ELMOD3: variants seen among roughly 807,000 people sequenced by gnomAD.
ELMOD3 encodes the protein ELMO domain-containing protein 3.
ELMOD3 carries 36 observed loss-of-function variants against 47.4 expected under a neutral mutation model. That is an observed-to-expected ratio of 0.76 (90% CI 0.58 to 1.00). ELMOD3 has a LOEUF of 1.00. ELMOD3 is among the 50% of genes least tolerant of loss of function. The probability of loss-of-function intolerance (pLI) is 0.00; values close to 1 mark genes in which losing one functional copy is unlikely to be tolerated. For synonymous variants in ELMOD3, 149 were observed against 183.5 expected, an observed-to-expected ratio of 0.81 and a Z score of 1.52; for missense variants, 404 against 463.8, an observed-to-expected ratio of 0.87 and a Z score of 1.18.
chr2:85,386,380 G>A (rs375863099), intron 11 of ELMOD3, among the ~76,000 whole-genome samples: 1 of 121,958 alleles, frequency 8.2e-6, no homozygotes, highest in Admixed American at 1.0e-4. Context: ...TGATACGTAG[G>A]CTTTTTTTTT....
At chr2:85,365,637 G>A (rs1403579671) in intron 6 of ELMOD3, among the ~76,000 whole-genome samples, 1 of 152,170 alleles carries the variant, frequency 6.6e-6, no homozygotes, top group Non-Finnish European at 1.5e-5. Flanking sequence ...AAGCTCTTAC[G>A]TGGTTTGGGC....
chr2:85,368,446 G>C (rs1221463027), intron 6 of ELMOD3: 1 of 499,976 alleles, frequency 2.0e-6, no homozygotes, highest in East Asian at 3.5e-5. Flanking sequence ...GGATCACCAG[G>C]TGGCCTAAGG....
chr2:85,368,790 C>T (rs1250014823), intron 7 of ELMOD3, 36 bp downstream of exon 7: 4 of 1,610,840 alleles, frequency 2.5e-6, no homozygotes, highest in Non-Finnish European at 3.4e-6. Flanking sequence ...CCCATAGCCC[C>T]TCTGCCAGCA....
chr2:85,390,617 T>G (rs1686282709), intron 13 of ELMOD3, 143 bp from the exon 14 acceptor site: 14 of 1,512,190 alleles, frequency 9.3e-6, no homozygotes, highest in Non-Finnish European at 1.1e-5. Context: ...TCTCTGGTGA[T>G]CTCTCCATCT....
At chr2:85,364,825 A>ATATATTTTTTT (rs375582916) in intron 6 of ELMOD3, among the ~76,000 whole-genome samples, 5 of 69,894 alleles carry the variant, frequency 7.2e-5, no homozygotes, top group African/African-American at 3.3e-4. Flanking sequence ...ATATATATAT[A>ATATATTTTTTT]TTTTTTTTTT....
intron 13 of ELMOD3, 97 bp from the exon 14 acceptor site, chr2:85,390,663 T>G (rs1430690298): frequency 1.7e-5 from 25 of 1,499,266 alleles, no homozygotes; most frequent in Non-Finnish European, 2.0e-5. Context: ...GGATAGGGGT[T>G]GGGGGTACTC....
chr2:85,378,054 T>G (rs1400793474), intron 11 of ELMOD3, among the ~76,000 whole-genome samples: 2 of 152,232 alleles, frequency 1.3e-5, no homozygotes, highest in Non-Finnish European at 2.9e-5. Flanking sequence ...GGAAGAAGAA[T>G]AGGCTATGAC....
chr2:85,371,350 C>T, intron 9 of ELMOD3, 90 bp from the exon 10 acceptor site: 2 of 1,595,986 alleles, frequency 1.3e-6, no homozygotes, highest in Admixed American at 3.4e-5. Flanking sequence ...AACTGGATGT[C>T]TCACAGTCCA....
At chr2:85,386,419 C>T (rs1269753427) in intron 11 of ELMOD3, among the ~76,000 whole-genome samples, 2 of 122,174 alleles carry the variant, frequency 1.6e-5, no homozygotes, top group Admixed American at 2.2e-4. Flanking sequence ...TGGAGTCTCG[C>T]TCTGTTGCCA....
Position 85,357,878 on chromosome 2 carries a change from T to C in ELMOD3, c.54+626T>C, listed in dbSNP as rs148348439. Reference sequence around the variant, plus strand: ...CAGGTACACAGATGCCTGCAGGAAGTTGTTCAGCACAATGAATCACCAAAT... The same window carrying C: ...CAGGTACACAGATGCCTGCAGGAAGCTGTTCAGCACAATGAATCACCAAAT... On this transcript the variant is annotated intron_variant, in intron 4 of 13. Coordinates refer to ENST00000409013, the MANE Select transcript of ELMOD3 (RefSeq NM_001135022.2). Among the ~76,000 whole-genome samples the C allele has an allele frequency of 1.5e-3, 221 of 152,298 alleles. 2 individuals carry two copies. Among genetic ancestry groups the C allele is most frequent in the African/African-American group, 5.2e-3 (216 of 41,550 alleles).
intron 4 of ELMOD3, 123 bp from the exon 5 acceptor site, chr2:85,362,063 G>T: frequency 1.5e-6 from 1 of 654,816 alleles, no homozygotes. Context: ...GTTTCCCTAT[G>T]TAACAAACCT....
chr2:85,368,683 C>T lies in ELMOD3; in HGVS notation c.200-3C>T. The T allele has an allele frequency of 6.2e-7, 1 of 1,613,952 alleles. No individual in the cohort carries two copies. Among genetic ancestry groups the T allele is most frequent in the Non-Finnish European group, 8.5e-7 (1 of 1,179,936 alleles). ...AGGGTCTCCTTTTCTCCTACTATTG[C>T]AGTTGTGAGTACAGAGGTGGTCAGA... On this transcript the variant is annotated splice_polypyrimidine_tract_variant and splice_region_variant and intron_variant, in intron 6 of 13. Coordinates refer to ENST00000409013, the MANE Select transcript of ELMOD3 (RefSeq NM_001135022.2).
intron 11 of ELMOD3, chr2:85,387,177 G>GT (rs1466601764): frequency 7.9e-7 from 1 of 1,268,228 alleles, no homozygotes; most frequent in Non-Finnish European, 1.0e-6. Context: ...AGGTACAGAG[G>GT]TATACATGAA....
At chr2:85,362,336 T>C (rs1342374113) in intron 5 of ELMOD3, 76 bp downstream of exon 5, 1 of 940,784 alleles carries the variant, frequency 1.1e-6, no homozygotes, top group Non-Finnish European at 1.8e-6. Context: ...AGAACTGTGG[T>C]AGACGCTGGG....
Position 85,391,093 on chromosome 2 carries a change from C to A in ELMOD3, c.*131C>A. The A allele has an allele frequency of 1.0e-6, 1 of 953,680 alleles. No individual in the cohort carries two copies. Among genetic ancestry groups the A allele is most frequent in the Non-Finnish European group, 1.5e-6 (1 of 646,962 alleles). 59.1% of individuals were successfully genotyped at this position (953,680 alleles called of 1,614,324 possible). A position where few individuals can be genotyped will look rare whatever the true frequency, so the allele number is the denominator to read the frequency against. ...AGATGGGATATAGGAAGCTCCTGGG[C>A]TTAGCTGTGGGAAGCCAAGTACCCT... On this transcript the variant is annotated 3_prime_UTR_variant, in exon 14 of 14. Coordinates refer to ENST00000409013, the MANE Select transcript of ELMOD3 (RefSeq NM_001135022.2).
At position 85,381,604 on chromosome 2, in the gene ELMOD3, T is replaced by G. The variant is rs371163276; in HGVS notation, c.738+4130T>G. Among the ~76,000 whole-genome samples the G allele has an allele frequency of 3.3e-5, 5 of 152,348 alleles. No individual in the cohort carries two copies. In the East Asian group the frequency reaches 7.7e-4, roughly 23 times the overall value. On this transcript the variant is annotated intron_variant, in intron 11 of 13. Transcript: ENST00000409013. Reference sequence around the variant, plus strand: ...GGCTCATGTGCTGCTTTTGCATCAGTGTGCCTTTGACATTCATGATTAATT... The same window carrying G: ...GGCTCATGTGCTGCTTTTGCATCAGGGTGCCTTTGACATTCATGATTAATT...
At chr2:85,360,861 A>G in intron 4 of ELMOD3, 1 of 230,870 alleles carries the variant, frequency 4.3e-6, no homozygotes, top group Non-Finnish European at 9.4e-6. Context: ...GAATTGTATC[A>G]TCTGGGAATA....
At chr2:85,374,833 C>T (rs953976771) in intron 10 of ELMOD3, among the ~76,000 whole-genome samples, 5 of 151,500 alleles carry the variant, frequency 3.3e-5, no homozygotes, top group Admixed American at 2.0e-4. Flanking sequence ...CTTTGCTGGC[C>T]GGGCGCGGTG....
At chr2:85,379,065 G>A (rs1391777218) in intron 11 of ELMOD3, among the ~76,000 whole-genome samples, 2 of 152,150 alleles carry the variant, frequency 1.3e-5, no homozygotes, top group East Asian at 3.8e-4. Context: ...ATGTAAATAG[G>A]TTGCTGTTAT....
Sources: allele counts gnomAD v4.1 joint callset (sites outside exome capture counted in the v4.1 genomes callset), GRCh38; gene constraint gnomAD v4.1.1; transcripts MANE v1.5; gene names NCBI Gene and HGNC (gene_info 2026-07-23, HGNC 2026-07-21).